The following OXR1 variants were observed in gnomAD, a reference collection of about 807,000 sequenced individuals.
OXR1 encodes oxidation resistance protein 1.
OXR1 carries 41 observed loss-of-function variants against 104.6 expected under a neutral mutation model. The ratio of observed to expected loss-of-function variants is 0.39; its 90% CI spans 0.31 to 0.51. The LOEUF (loss-of-function observed/expected upper bound fraction) is 0.51. Among genes scored for constraint, OXR1 ranks in the 20% least tolerant of loss-of-function variants. The pLI is 0.77. For synonymous variants in OXR1, 348 were observed against 348.4 expected (o/e 1.00, Z 0.01); for missense variants, 955 against 1,031.9 (o/e 0.93, Z 1.02).
chr8:106,428,190 A>T (rs1586633343), intron 2 of OXR1, among the ~76,000 whole-genome samples: 1 of 152,236 alleles, frequency 6.6e-6, no homozygotes, highest in East Asian at 1.9e-4. Flanking sequence ...AGGATGTTGT[A>T]AGGAAATGAG....
chr8:106,721,169 A>G (rs1178744050), intron 11 of OXR1, among the ~76,000 whole-genome samples: 1 of 151,824 alleles, frequency 6.6e-6, no homozygotes, highest in Non-Finnish European at 1.5e-5. Context: ...GGAGCTTTTT[A>G]TGCTAACATT....
intron 2 of OXR1, among the ~76,000 whole-genome samples, chr8:106,382,668 T>A: frequency 6.8e-6 from 1 of 146,428 alleles, no homozygotes; most frequent in Admixed American, 6.9e-5. Context: ...CCTATCCAGG[T>A]CTGAGAACTA....
chr8:106,614,719 A>C (rs1821071570), intron 3 of OXR1, among the ~76,000 whole-genome samples: 1 of 152,208 alleles, frequency 6.6e-6, no homozygotes, highest in African/African-American at 2.4e-5. Flanking sequence ...AAATATTGGG[A>C]AATAGGTATC....
intron 2 of OXR1, among the ~76,000 whole-genome samples, chr8:106,461,568 T>C (rs1820920306): frequency 6.6e-6 from 1 of 151,938 alleles, no homozygotes; most frequent in Non-Finnish European, 1.5e-5. Context: ...GTCTCAAAAA[T>C]AAAAACAAAT....
At chr8:106,616,607 A>C (rs1163480639) in intron 3 of OXR1, among the ~76,000 whole-genome samples, 1 of 152,212 alleles carries the variant, frequency 6.6e-6, no homozygotes, top group African/African-American at 2.4e-5. Flanking sequence ...GTACTTTACT[A>C]GTCAATGACC....
At chr8:106,562,727 C>A (rs901415136) in intron 3 of OXR1, among the ~76,000 whole-genome samples, 14 of 152,260 alleles carry the variant, frequency 9.2e-5, no homozygotes, top group Non-Finnish European at 1.3e-4. Context: ...AGAGAAAGGT[C>A]GGGTTACCCA....
chr8:106,452,518 T>C (rs1357460713), intron 2 of OXR1, among the ~76,000 whole-genome samples: 1 of 152,184 alleles, frequency 6.6e-6, no homozygotes, highest in Non-Finnish European at 1.5e-5. Context: ...CCAACAACAT[T>C]CTGTATCTAT....
chr8:106,654,997 T>C (rs1279954564), intron 3 of OXR1, among the ~76,000 whole-genome samples: 4 of 152,140 alleles, frequency 2.6e-5, no homozygotes, highest in Admixed American at 6.5e-5. Flanking sequence ...GAAGTACCAA[T>C]ACATGTTACA....
At chr8:106,307,250 G>C (rs1484073588) in intron 1 of OXR1, among the ~76,000 whole-genome samples, 1 of 152,134 alleles carries the variant, frequency 6.6e-6, no homozygotes, top group Non-Finnish European at 1.5e-5. Flanking sequence ...TTTGTCCATG[G>C]ATCAAATATG....
At chr8:106,277,963 A>G (rs1812126018) in intron 1 of OXR1, among the ~76,000 whole-genome samples, 1 of 152,164 alleles carries the variant, frequency 6.6e-6, no homozygotes, top group Non-Finnish European at 1.5e-5. Context: ...TGCTGTTTGT[A>G]TGCTGATTGT....
At chr8:106,689,506 A>C (rs918457717) in intron 6 of OXR1, among the ~76,000 whole-genome samples, 2 of 152,040 alleles carry the variant, frequency 1.3e-5, no homozygotes, top group Non-Finnish European at 2.9e-5. Flanking sequence ...TCAAACCATA[A>C]CATTGCCTCA....
intron 2 of OXR1, among the ~76,000 whole-genome samples, chr8:106,360,875 G>A (rs950318808): frequency 6.6e-6 from 1 of 152,112 alleles, no homozygotes; most frequent in Non-Finnish European, 1.5e-5. Flanking sequence ...AAAAAGCAGG[G>A]AGCATGTCAA....
At chr8:106,527,704 T>A (rs187803503) in intron 3 of OXR1, among the ~76,000 whole-genome samples, 64 of 152,364 alleles carry the variant, frequency 4.2e-4, no homozygotes, top group Non-Finnish European at 8.4e-4. Flanking sequence ...ATACAGATTG[T>A]CAGTCTTTTA....
intron 3 of OXR1, among the ~76,000 whole-genome samples, chr8:106,577,395 T>A (rs1817927469): frequency 7.4e-6 from 1 of 135,646 alleles, no homozygotes; most frequent in African/African-American, 2.8e-5. Flanking sequence ...TTTTTTTTTT[T>A]TTTTTTTTTT....
intron 3 of OXR1, among the ~76,000 whole-genome samples, chr8:106,668,154 T>G (rs1826543686): frequency 6.6e-6 from 1 of 152,186 alleles, no homozygotes; most frequent in Non-Finnish European, 1.5e-5. Context: ...ACATTCATAC[T>G]TAGTTTTTCA....
intron 1 of OXR1, among the ~76,000 whole-genome samples, chr8:106,299,052 G>A (rs1038403972): frequency 2.0e-5 from 3 of 151,728 alleles, no homozygotes; most frequent in South Asian, 2.1e-4. Flanking sequence ...AATATTGTAC[G>A]TTAACAATCA....
intron 2 of OXR1, among the ~76,000 whole-genome samples, chr8:106,362,080 G>A (rs902365044): frequency 1.3e-5 from 2 of 152,126 alleles, no homozygotes; most frequent in Admixed American, 6.5e-5. Context: ...GGTCAGCCTC[G>A]CAGGGCAGCT....
At chr8:106,449,459 C>T (rs928120490) in intron 2 of OXR1, among the ~76,000 whole-genome samples, 4 of 152,172 alleles carry the variant, frequency 2.6e-5, no homozygotes, top group African/African-American at 9.7e-5. Context: ...TGAATGTAGG[C>T]TACACACTGT....
At chr8:106,556,345 A>T (rs1033441994) in intron 3 of OXR1, among the ~76,000 whole-genome samples, 2 of 152,180 alleles carry the variant, frequency 1.3e-5, no homozygotes, top group South Asian at 2.1e-4. Context: ...TTATGATGTC[A>T]TCAGAGAGAG....
Sources: allele counts gnomAD v4.1 joint callset (sites outside exome capture counted in the v4.1 genomes callset), GRCh38; gene constraint gnomAD v4.1.1; transcripts MANE v1.5; gene names NCBI Gene and HGNC (gene_info 2026-07-23, HGNC 2026-07-21).